The following IPO5 variants were observed in gnomAD, a reference collection of about 807,000 sequenced individuals.
IPO5 encodes importin 5.
A neutral mutation model predicts 143.3 loss-of-function variants in IPO5; 18 were observed. The ratio of observed to expected loss-of-function variants is 0.13; its 90% CI spans 0.09 to 0.19. IPO5 has a LOEUF of 0.19. Among genes scored for constraint, IPO5 ranks in the 10% least tolerant of loss-of-function variants. IPO5 has a pLI of 1.00. For missense variants in IPO5, 1,013 were observed against 1,336.9 expected (o/e 0.76, Z 3.78); for synonymous variants, 477 against 465.7 (o/e 1.02, Z -0.31).
chr13:97,982,449 T>C (rs1053397843), intron 4 of IPO5, 54 bp from the exon 5 acceptor site: 54 of 1,160,582 alleles, frequency 4.7e-5, no homozygotes, highest in Non-Finnish European at 6.7e-5. Context: ...TTCACTGGTT[T>C]ACTCATGAAG....
At chr13:97,981,271 T>G in intron 4 of IPO5, 2 of 456,208 alleles carry the variant, frequency 4.4e-6, no homozygotes, top group Non-Finnish European at 8.8e-6. Flanking sequence ...TTGAAACCTG[T>G]GTAGCACTGC....
At chr13:97,984,034 A>G (rs1435402464) in intron 5 of IPO5, among the ~76,000 whole-genome samples, 1 of 112,924 alleles carries the variant, frequency 8.9e-6, no homozygotes, top group East Asian at 2.8e-4. Flanking sequence ...GCTGGAGTGC[A>G]GTGGCGGGAT....
intron 13 of IPO5, 199 bp downstream of exon 13, chr13:98,000,844 A>G: frequency 1.8e-6 from 1 of 553,986 alleles, no homozygotes; most frequent in Non-Finnish European, 3.2e-6. Context: ...AAGTATTTAG[A>G]TTTGAATTTG....
chr13:98,003,529 C>T (rs1209169373), intron 16 of IPO5, among the ~76,000 whole-genome samples: 4 of 152,078 alleles, frequency 2.6e-5, no homozygotes, highest in African/African-American at 9.7e-5. Context: ...GAAGCATTAA[C>T]AGTTTGTTTC....
intron 5 of IPO5, among the ~76,000 whole-genome samples, chr13:97,983,857 A>G (rs187622184): frequency 1.7e-4 from 24 of 138,910 alleles, no homozygotes; most frequent in Admixed American, 1.7e-3. Context: ...AAGTATCCCA[A>G]TTTTTTTTTT....
At chr13:98,006,871 T>TC (rs1889303279) in intron 17 of IPO5, among the ~76,000 whole-genome samples, 1 of 149,290 alleles carries the variant, frequency 6.7e-6, no homozygotes, top group East Asian at 2.0e-4. Context: ...TTGGTGTTTT[T>TC]TTTTTTTTTT....
At chr13:98,009,837 C>T (rs761466532) in intron 18 of IPO5, 44 bp from the exon 19 acceptor site, 282 of 1,425,654 alleles carry the variant, frequency 2.0e-4, no homozygotes, top group Non-Finnish European at 2.1e-4. Flanking sequence ...ATCACGTTTA[C>T]CCATTGTTTT....
intron 9 of IPO5, among the ~76,000 whole-genome samples, chr13:97,992,635 A>C (rs540358681): frequency 1.3e-5 from 2 of 152,222 alleles, no homozygotes; most frequent in African/African-American, 4.8e-5. Context: ...TAAGTATTGT[A>C]ATGGTTATTA....
chr13:97,976,356 G>C (rs1886306060), intron 3 of IPO5: 1 of 151,576 alleles, frequency 6.6e-6, no homozygotes, highest in Admixed American at 6.6e-5. Context: ...CTACCCAACC[G>C]GCGTACAGCC....
chr13:97,957,286 C>T (rs551869899), intron 2 of IPO5, among the ~76,000 whole-genome samples: 88 of 152,156 alleles, frequency 5.8e-4, no homozygotes, highest in African/African-American at 2.0e-3. Context: ...CAGCCTCCAC[C>T]TCCCAGGTTC....
intron 11 of IPO5, among the ~76,000 whole-genome samples, chr13:97,995,066 C>A (rs375596225): frequency 6.7e-6 from 1 of 149,434 alleles, no homozygotes; most frequent in Non-Finnish European, 1.5e-5. Flanking sequence ...TCAAGGCTGC[C>A]GTGAGCCAAG....
At chr13:97,981,859 A>T (rs185969922) in intron 4 of IPO5, among the ~76,000 whole-genome samples, 2 of 152,214 alleles carry the variant, frequency 1.3e-5, no homozygotes, top group African/African-American at 2.4e-5. Flanking sequence ...GTGATTTTAC[A>T]TTATTAGCAG....
intron 21 of IPO5, among the ~76,000 whole-genome samples, chr13:98,012,801 A>ATTTTTTTTTTTTTTTTTTT (rs59658983): frequency 8.2e-5 from 9 of 109,156 alleles, no homozygotes; most frequent in East Asian, 8.2e-4. Flanking sequence ...GCTAGATTTG[A>ATTTTTTTTTTTTTTTTTTT]TTTTTTTTTT....
Position 98,021,737 on chromosome 13 carries a change from C to T in IPO5, c.3209C>T (p.Thr1070Ile), listed in dbSNP as rs777825805. The change falls in exon 29 of 29, where the codon ACT (threonine) becomes ATT (isoleucine). Residue 1070 changes from threonine to isoleucine, a missense_variant and splice_region_variant. Physicochemically the swap from Thr to Ile is moderately conservative, Grantham distance 89 (BLOSUM62 -1). This residue lies in a region of IPO5 where 685 missense variants were observed against 994.9 expected (regional missense o/e 0.69). Transcript: ENST00000651721. ...RLANVVRQVQ[T>I]SGGLWTECIA... The stretch of plus-strand genomic sequence containing the variant: ...CTGTGAAAATGTTTCTTTCCCTAGA[C>T]TTCTGGAGGACTGTGGACTGAGTGC... The T allele has an allele frequency of 2.3e-5, 35 of 1,535,374 alleles. No individual in the cohort carries two copies. Among genetic ancestry groups the T allele is most frequent in the East Asian group, 9.1e-5 (4 of 43,972 alleles).
chr13:98,000,029 A>C (rs2139754970), intron 12 of IPO5, among the ~76,000 whole-genome samples: 1 of 152,296 alleles, frequency 6.6e-6, no homozygotes, highest in African/African-American at 2.4e-5. Context: ...TCACGCCTGT[A>C]ATCTTAGCAT....
chr13:98,009,850 A>G (rs774009891), intron 18 of IPO5, 31 bp from the exon 19 acceptor site: 1 of 1,504,140 alleles, frequency 6.6e-7, no homozygotes, highest in South Asian at 1.2e-5. Context: ...ATTGTTTTTT[A>G]ATCTATTTTA....
intron 4 of IPO5, among the ~76,000 whole-genome samples, chr13:97,979,442 C>G (rs1004675913): frequency 6.6e-6 from 1 of 152,094 alleles, no homozygotes; most frequent in South Asian, 2.1e-4. Context: ...GGATATTTCT[C>G]TTTAACTTTA....
At chr13:98,020,420 G>A (rs912408747) in intron 27 of IPO5, among the ~76,000 whole-genome samples, 4 of 152,154 alleles carry the variant, frequency 2.6e-5, no homozygotes, top group Non-Finnish European at 5.9e-5. Context: ...GTCTTCCACT[G>A]ACCATATCAT....
At chr13:97,972,573 C>T (rs1885909613) in intron 3 of IPO5, among the ~76,000 whole-genome samples, 1 of 152,214 alleles carries the variant, frequency 6.6e-6, no homozygotes, top group Non-Finnish European at 1.5e-5. Flanking sequence ...ATGCTCCAAG[C>T]AAATTTGCCT....
Sources: gnomAD v4.1 joint callset for allele counts (sites outside exome capture counted in the v4.1 genomes callset) on GRCh38, gnomAD v4.1.1 for gene constraint, gnomAD v4.1.1 regional missense constraint, MANE v1.5 for transcripts, NCBI Gene and HGNC (gene_info 2026-07-23, HGNC 2026-07-21) for gene names.